The following EXOC6 variants were observed in gnomAD, a reference collection of about 807,000 sequenced individuals.
The protein encoded by EXOC6 is exocyst complex component 6.
EXOC6 carries 60 observed loss-of-function variants against 112.5 expected under a neutral mutation model. The observed-to-expected ratio is 0.53, with a 90% CI of 0.43 to 0.66. The LOEUF (loss-of-function observed/expected upper bound fraction) is 0.66. EXOC6 is among the 30% of genes least tolerant of loss of function. EXOC6 has a pLI of 0.00. For missense variants in EXOC6, 855 were observed against 957.1 expected (o/e 0.89, Z 1.41); for synonymous variants, 295 against 308.0 (o/e 0.96, Z 0.44).
At chr10:92,836,532 A>T (rs1458946614) in intron 1 of EXOC6, among the ~76,000 whole-genome samples, 3 of 152,350 alleles carry the variant, frequency 2.0e-5, no homozygotes, top group Admixed American at 1.3e-4. Context: ...ATGTTTGGGT[A>T]TAAAAAAGGG....
intron 1 of EXOC6, among the ~76,000 whole-genome samples, chr10:92,828,686 G>T (rs1846423522): frequency 2.8e-5 from 1 of 36,238 alleles, no homozygotes; most frequent in Non-Finnish European, 5.8e-5. Context: ...TGAGTTTTGT[G>T]TGTCTGTGTG....
chr10:92,837,017 A>G (rs1460743531), intron 1 of EXOC6, among the ~76,000 whole-genome samples: 1 of 151,862 alleles, frequency 6.6e-6, no homozygotes, highest in East Asian at 1.9e-4. Flanking sequence ...GCCTTGTGGA[A>G]ACTCTATAAA....
chr10:92,931,113 A>G (rs1207701572), intron 9 of EXOC6, among the ~76,000 whole-genome samples: 1 of 122,994 alleles, frequency 8.1e-6, no homozygotes, highest in African/African-American at 3.5e-5. Context: ...TCCATCTCAG[A>G]AGAAAAAAAA....
At chr10:92,997,138 TAA>T (rs1340722348) in intron 18 of EXOC6, among the ~76,000 whole-genome samples, 1 of 152,226 alleles carries the variant, frequency 6.6e-6, no homozygotes, top group African/African-American at 2.4e-5. Context: ...TTTTATGTCA[TAA>T]GTGTCATTTT....
At position 92,852,010 on chromosome 10, in the gene EXOC6, A is replaced by G. The variant is rs953442788; in HGVS notation, c.101+3376A>G. 1.2e-4 allele frequency among the ~76,000 whole-genome samples: 18 copies of G among 152,308 alleles called. No individual in the cohort carries two copies. In the East Asian group the frequency reaches 3.3e-3, roughly 28 times the overall value. ...TCAGAGTCTGGGTCGTTAAGGCTGT[A>G]GAGAGCTGAGATTGTGCCACTGCAC... On this transcript the variant is annotated intron_variant, in intron 1 of 21. Transcript: ENST00000260762.
rs1002185051 is a variant in EXOC6, at chr10:93,000,739, CA to C, written c.2095+3132del. Among the ~76,000 whole-genome samples, 51 of 151,788 alleles carry C rather than the reference CA, an allele frequency of 3.4e-4. No homozygotes were observed. The East Asian group carries it at 4.8e-3, about 14-fold the overall frequency. ...TAACATGCATTTACTACTGATGGGACAAAAAAAATTGATTAAAAATTTTTGT... is the reference window on the plus strand; with the variant it reads ...TAACATGCATTTACTACTGATGGGACAAAAAAATTGATTAAAAATTTTTGT... On this transcript the variant is annotated intron_variant, in intron 19 of 21. Transcript: ENST00000260762.
At chr10:93,042,247 T>G (rs932895386) in intron 20 of EXOC6, among the ~76,000 whole-genome samples, 1 of 152,212 alleles carries the variant, frequency 6.6e-6, no homozygotes, top group Non-Finnish European at 1.5e-5. Context: ...AGCCCTCCTT[T>G]GATTAACTCC....
intron 17 of EXOC6, among the ~76,000 whole-genome samples, chr10:92,960,837 G>A (rs1853952942): frequency 6.6e-6 from 1 of 152,072 alleles, no homozygotes; most frequent in African/African-American, 2.4e-5. Context: ...TATTTCATTT[G>A]TGTTGTTGTA....
intron 20 of EXOC6, among the ~76,000 whole-genome samples, chr10:93,052,244 T>C (rs1408977632): frequency 6.6e-6 from 1 of 152,236 alleles, no homozygotes; most frequent in African/African-American, 2.4e-5. Context: ...CCTAGATTCA[T>C]TGTGTCATTT....
At chr10:92,978,202 G>A (rs1173953180) in intron 18 of EXOC6, among the ~76,000 whole-genome samples, 1 of 152,170 alleles carries the variant, frequency 6.6e-6, no homozygotes, top group Non-Finnish European at 1.5e-5. Context: ...CTGAGCCTAG[G>A]AGTTCGAGAC....
At chr10:92,880,612 T>G (rs1022833296) in intron 1 of EXOC6, among the ~76,000 whole-genome samples, 13 of 152,148 alleles carry the variant, frequency 8.5e-5, no homozygotes, top group Non-Finnish European at 1.6e-4. Context: ...AGAGTAAATT[T>G]GATGTACATA....
intron 17 of EXOC6, among the ~76,000 whole-genome samples, chr10:92,955,924 A>G (rs1336315545): frequency 6.6e-6 from 1 of 152,148 alleles, no homozygotes; most frequent in Non-Finnish European, 1.5e-5. Flanking sequence ...CTTATTTTCT[A>G]CAGTGTATTA....
At chr10:93,043,320 AC>A (rs1717502239) in intron 20 of EXOC6, among the ~76,000 whole-genome samples, 1 of 152,144 alleles carries the variant, frequency 6.6e-6, no homozygotes, top group African/African-American at 2.4e-5. Flanking sequence ...TCTCTTAATT[AC>A]CCCAGATTCT....
rs752954513 is a variant in EXOC6 at position 92,974,245 on chromosome 10, A to T, written c.1953+13A>T. 2 of 1,515,026 alleles carry T rather than the reference A, an allele frequency of 1.3e-6. No individual in the cohort carries two copies. Among genetic ancestry groups the T allele is most frequent in the Non-Finnish European group, 1.8e-6 (2 of 1,139,056 alleles). 93.8% of individuals were successfully genotyped at this position (1,515,026 alleles called of 1,614,324 possible). A position where few individuals can be genotyped will look rare whatever the true frequency, so the allele number is the denominator to read the frequency against. ...TACTCATTTGCCTGTAAGTATAAAAATTTTCAAAAATTGTTTTATGTTTGC... is the reference window on the plus strand; with the variant it reads ...TACTCATTTGCCTGTAAGTATAAAATTTTTCAAAAATTGTTTTATGTTTGC... On this transcript the variant is annotated intron_variant, in intron 18 of 21. Coordinates refer to ENST00000260762, the MANE Select transcript of EXOC6 (RefSeq NM_019053.6).
chr10:92,976,202 G>C (rs1436537191), intron 18 of EXOC6, among the ~76,000 whole-genome samples: 2 of 152,178 alleles, frequency 1.3e-5, no homozygotes, highest in Admixed American at 6.5e-5. Context: ...AACGGGCCAT[G>C]ATGACAGTGG....
At chr10:92,997,811 T>A (rs1843563634) in intron 19 of EXOC6, among the ~76,000 whole-genome samples, 196 bp downstream of exon 19, 1 of 152,198 alleles carries the variant, frequency 6.6e-6, no homozygotes, top group Admixed American at 6.5e-5. Context: ...TTAGGGCCTC[T>A]AGAGAGAGGC....
chr10:93,046,202 A>G (rs937223127), intron 20 of EXOC6, among the ~76,000 whole-genome samples: 11 of 152,242 alleles, frequency 7.2e-5, no homozygotes, highest in Non-Finnish European at 1.5e-4. Context: ...ACAAGTCACT[A>G]GCTTTGAGGC....
chr10:92,870,366 G>C (rs1848390737), intron 1 of EXOC6, among the ~76,000 whole-genome samples: 1 of 152,144 alleles, frequency 6.6e-6, no homozygotes, highest in Non-Finnish European at 1.5e-5. Context: ...TGTTTCTTCT[G>C]CATCTATGGA....
In EXOC6 at chr10:92,997,557, A is replaced by G; in HGVS notation, c.2037A>G (p.Leu679=). ...SLMQMLLDSE[L]KQISMGAVQQ... Reference sequence around the variant, plus strand: ...TGCAGATGCTACTGGACAGTGAGTTAAAACAAATAAGCATGGGAGCTGTTC... The same window carrying G: ...TGCAGATGCTACTGGACAGTGAGTTGAAACAAATAAGCATGGGAGCTGTTC... Residue 679 remains leucine (L), a synonymous_variant, in exon 19 of 22, where the codon TTA becomes TTG. Coordinates refer to ENST00000260762, the MANE Select transcript of EXOC6 (RefSeq NM_019053.6). 6.2e-7 allele frequency: 1 copy of G among 1,613,910 alleles called. No individual in the cohort carries two copies. Among genetic ancestry groups the G allele is most frequent in the Non-Finnish European group, 8.5e-7 (1 of 1,179,868 alleles).
Sources: gnomAD v4.1 joint callset for allele counts (sites outside exome capture counted in the v4.1 genomes callset) on GRCh38, gnomAD v4.1.1 for gene constraint, MANE v1.5 for transcripts, NCBI Gene and HGNC (gene_info 2026-07-23, HGNC 2026-07-21) for gene names.